SPTA1: variants seen among roughly 807,000 people sequenced by gnomAD.
SPTA1 encodes the protein spectrin alpha chain, erythrocytic 1.
A neutral mutation model predicts 324.7 loss-of-function variants in SPTA1; 177 were observed. That is an observed-to-expected ratio of 0.55 (90% confidence interval 0.48 to 0.62). The LOEUF (loss-of-function observed/expected upper bound fraction) is 0.62, where lower values mean the gene tolerates loss of function less well. Among genes scored for constraint, SPTA1 ranks in the 20% least tolerant of loss-of-function variants. The pLI is 0.00. For synonymous variants in SPTA1, 1,195 were observed against 1,041.3 expected, an observed-to-expected ratio of 1.15 and a Z score of -2.84; for missense variants, 3,162 against 2,883.6, an observed-to-expected ratio of 1.10 and a Z score of -2.21.
At chr1:158,641,536 G>T (rs1651571539) in intron 33 of SPTA1, among the ~76,000 whole-genome samples, 1 of 152,206 alleles carries the variant, frequency 6.6e-6, no homozygotes, top group Admixed American at 6.5e-5. Context: ...AGACATTTAT[G>T]CAGCCAAAAG....
At position 158,668,075 on chromosome 1, in the gene SPTA1, GAAA is replaced by G. The variant is rs3039789; in HGVS notation, c.1834-16_1834-14del. 0.29 allele frequency: 421,167 copies of G among 1,471,732 alleles called. 22,515 individuals are homozygous for G. Among genetic ancestry groups the G allele is most frequent in the Admixed American group, 0.34 (17,995 of 52,868 alleles). The allele number at this position is 1,471,732 out of a possible 1,614,324, so 91.2% of individuals were successfully genotyped here. ...AGTTCTGTATGTCCTGAGATAAGAT[GAAA>G]AAAAAAAAAAAAACCATTACCTGAA... On this transcript the variant is annotated splice_polypyrimidine_tract_variant and intron_variant, in intron 14 of 51. Transcript: ENST00000643759.
chr1:158,639,855 TC>T lies in SPTA1; in HGVS notation c.4875+14del, dbSNP rs768426217. The T allele has an allele frequency of 1.1e-4, 171 of 1,613,966 alleles. 1 individual carries two copies. The South Asian group carries it at 1.7e-3, about 16-fold the overall frequency. On this transcript the variant is annotated intron_variant, in intron 34 of 51. Coordinates refer to ENST00000643759, the MANE Select transcript of SPTA1 (RefSeq NM_003126.4). Reference sequence around the variant, plus strand: ...ATTAAACTCTTGTGTCTCTACTGTTTCCGGGTGCAATTACCTCTGAGAGCCA... The same window carrying T: ...ATTAAACTCTTGTGTCTCTACTGTTTCGGGTGCAATTACCTCTGAGAGCCA...
chr1:158,684,786 G>C (rs2101956604), intron 2 of SPTA1, among the ~76,000 whole-genome samples: 1 of 152,096 alleles, frequency 6.6e-6, no homozygotes, highest in East Asian at 1.9e-4. Flanking sequence ...CAATATCCTT[G>C]GTTAATGATT....
intron 36 of SPTA1, among the ~76,000 whole-genome samples, chr1:158,637,745 A>G (rs1651193721): frequency 6.6e-6 from 1 of 152,178 alleles, no homozygotes; most frequent in Non-Finnish European, 1.5e-5. Context: ...TGAGTATTGC[A>G]TATTATTCAA....
rs149793514 is a variant in SPTA1, at chr1:158,616,835, A to G, written c.6600+702T>C. ...CTTTTTAATTTTTTGAGGAATTTCCATACTGGTTTCCATAGTGGCTGTACT... is the reference window on the plus strand; with the variant it reads ...CTTTTTAATTTTTTGAGGAATTTCCGTACTGGTTTCCATAGTGGCTGTACT... On this transcript the variant is annotated intron_variant, in intron 47 of 51. Transcript: ENST00000643759. 2.0e-3 allele frequency among the ~76,000 whole-genome samples: 302 copies of G among 152,290 alleles called. 1 individual carries two copies. Among genetic ancestry groups the G allele is most frequent in the African/African-American group, 6.8e-3 (284 of 41,568 alleles).
At chr1:158,669,357 A>G in intron 14 of SPTA1, 51 bp downstream of exon 14, 1 of 1,612,428 alleles carries the variant, frequency 6.2e-7, no homozygotes, top group East Asian at 2.2e-5. Context: ...CTGTACTTCC[A>G]ATGAAAGGAA....
intron 43 of SPTA1, among the ~76,000 whole-genome samples, chr1:158,621,464 C>T (rs1003146941): frequency 2.0e-5 from 3 of 152,146 alleles, no homozygotes; most frequent in African/African-American, 7.2e-5. Flanking sequence ...ATGACCTCTA[C>T]ACAGAAAGGA....
chr1:158,660,476 A>G (rs561422998), intron 18 of SPTA1, among the ~76,000 whole-genome samples: 2 of 152,352 alleles, frequency 1.3e-5, no homozygotes, highest in African/African-American at 4.8e-5. Context: ...AGACATAACA[A>G]TACTAAATGT....
intron 46 of SPTA1, 60 bp downstream of exon 46, chr1:158,617,979 T>C: frequency 6.7e-7 from 1 of 1,502,972 alleles, no homozygotes; most frequent in East Asian, 2.3e-5. Flanking sequence ...AACTCTTTCT[T>C]AACGAATTCT....
chr1:158,674,109 G>A (rs1473207681), intron 10 of SPTA1, among the ~76,000 whole-genome samples: 1 of 152,124 alleles, frequency 6.6e-6, no homozygotes, highest in Non-Finnish European at 1.5e-5. Flanking sequence ...TTGAGCATCT[G>A]CAGATTTTGG....
intron 1 of SPTA1, among the ~76,000 whole-genome samples, chr1:158,685,681 G>T (rs1389439696): frequency 4.6e-5 from 7 of 152,070 alleles, no homozygotes; most frequent in Non-Finnish European, 1.0e-4. Flanking sequence ...TAGATAAAAA[G>T]AAATATAATG....
chr1:158,666,444 C>T lies in SPTA1; in HGVS notation c.2092G>A (p.Asp698Asn), dbSNP rs2101900998. The change falls in exon 16 of 52, where the codon GAT (aspartate) becomes AAT (asparagine). Residue 698 changes from aspartate (D) to asparagine (N), a missense_variant. Coordinates refer to ENST00000643759, the MANE Select transcript of SPTA1 (RefSeq NM_003126.4). ...QQLQFENNAE[D>N]LQRWLEDVEW... ...ACATCCTCCAGCCAGCGCTGCAAAT[C>T]TTCTGCATTATTTTCAAATTGCAGC... is the stretch of plus-strand genomic sequence containing the variant. 6.2e-7 allele frequency: 1 copy of T among 1,613,264 alleles called. No homozygotes were observed. Among genetic ancestry groups the T allele is most frequent in the South Asian group, 1.1e-5 (1 of 91,078 alleles).
At chr1:158,621,518 T>C (rs1461397049) in intron 43 of SPTA1, among the ~76,000 whole-genome samples, 3 of 152,230 alleles carry the variant, frequency 2.0e-5, no homozygotes, top group Non-Finnish European at 4.4e-5. Context: ...CATAATGTTA[T>C]AGATTGAGTG....
At chr1:158,619,416 G>C (rs1649770038) in intron 44 of SPTA1, 82 bp from the exon 45 acceptor site, 2 of 1,329,628 alleles carry the variant, frequency 1.5e-6, no homozygotes. Context: ...AGGCTTAACT[G>C]CATATCTTTC....
chr1:158,628,203 T>C (rs904550634), intron 39 of SPTA1, among the ~76,000 whole-genome samples: 2 of 152,168 alleles, frequency 1.3e-5, no homozygotes, highest in East Asian at 3.8e-4. Flanking sequence ...AAACATGATG[T>C]CTGTGTAGCT....
chr1:158,675,180 T>A (rs148947814), intron 8 of SPTA1, among the ~76,000 whole-genome samples: 1 of 152,282 alleles, frequency 6.6e-6, no homozygotes, highest in Non-Finnish European at 1.5e-5. Flanking sequence ...ATCACAATCA[T>A]ATGACAAGCA....
chr1:158,617,052 AAAT>A, intron 47 of SPTA1, among the ~76,000 whole-genome samples: 1 of 152,174 alleles, frequency 6.6e-6, no homozygotes, highest in Middle Eastern at 3.2e-3. Context: ...AGTAAAAAAA[AAAT>A]GTTGAGAAAC....
At chr1:158,643,549 A>T in intron 30 of SPTA1, 124 bp from the exon 31 acceptor site, 5 of 919,108 alleles carry the variant, frequency 5.4e-6, no homozygotes, top group Middle Eastern at 3.2e-4. Flanking sequence ...CTCAGGGTCA[A>T]ATAATATATG....
In SPTA1 at chr1:158,611,130, A is replaced by AAC; in HGVS notation, c.*133_*134insGT. ...TAAATGTAATATGCACACAAACACAAGCACACACACACACACACACACACA... is the reference window on the plus strand; with the variant it reads ...TAAATGTAATATGCACACAAACACAAACGCACACACACACACACACACACACA... On this transcript the variant is annotated 3_prime_UTR_variant, in exon 52 of 52. Transcript: ENST00000643759. 1.1e-6 allele frequency: 1 copy of AAC among 879,170 alleles called. No individual in the cohort carries two copies. The highest frequency in any genetic ancestry group is 3.0e-5 in the East Asian group (1 of 33,546). 54.5% of individuals were successfully genotyped at this position (879,170 alleles called of 1,614,324 possible). A position where few individuals can be genotyped will look rare whatever the true frequency, so the allele number is the denominator to read the frequency against.
Sources: gnomAD v4.1 joint callset for allele counts (sites outside exome capture counted in the v4.1 genomes callset) on GRCh38, gnomAD v4.1.1 for gene constraint, MANE v1.5 for transcripts, NCBI Gene and HGNC (gene_info 2026-07-23, HGNC 2026-07-21) for gene names.